Variants in UTRN observed in about 807,000 individuals in gnomAD.
UTRN encodes the protein dystrophin-related protein 1.
In UTRN, 283 loss-of-function variants were observed where a neutral mutation model predicts 463.9. The observed-to-expected ratio is 0.61, with a 90% CI of 0.55 to 0.67. UTRN has a LOEUF of 0.67. Among genes scored for constraint, UTRN ranks in the 30% least tolerant of loss-of-function variants. UTRN has a pLI of 0.00. For synonymous variants in UTRN, 1,442 were observed against 1,431.5 expected (o/e 1.01, Z -0.17); for missense variants, 3,922 against 4,084.3 (o/e 0.96, Z 1.08).
At chr6:144,645,096 A>G (rs1325014039) in intron 51 of UTRN, among the ~76,000 whole-genome samples, 3 of 152,108 alleles carry the variant, frequency 2.0e-5, no homozygotes, top group Non-Finnish European at 2.9e-5. Flanking sequence ...CCGAATTGCA[A>G]TTTCTTGCTA....
chr6:144,798,048 G>A (rs1052458228), intron 64 of UTRN, 58 bp downstream of exon 64: 5 of 1,607,036 alleles, frequency 3.1e-6, no homozygotes, highest in East Asian at 2.2e-5. Context: ...TAATCTCAGT[G>A]GTACGTCCAT....
chr6:144,522,261 A>G, intron 40 of UTRN, 90 bp downstream of exon 40: 3 of 1,048,646 alleles, frequency 2.9e-6, no homozygotes, highest in Non-Finnish European at 3.9e-6. Flanking sequence ...GATGGTCTAT[A>G]TCTTTTACAA....
intron 13 of UTRN, among the ~76,000 whole-genome samples, chr6:144,442,528 A>G (rs1402638367): frequency 1.3e-5 from 2 of 152,356 alleles, no homozygotes; most frequent in East Asian, 3.9e-4. Context: ...TAATGGACTT[A>G]CAGTTCCACA....
intron 51 of UTRN, among the ~76,000 whole-genome samples, chr6:144,652,687 T>C (rs578100833): frequency 1.2e-4 from 19 of 152,344 alleles, no homozygotes; most frequent in South Asian, 4.1e-4. Flanking sequence ...TCGAGTTATA[T>C]AATGCCTGTT....
chr6:144,649,479 C>T (rs1778590847), intron 51 of UTRN, among the ~76,000 whole-genome samples: 1 of 152,128 alleles, frequency 6.6e-6, no homozygotes, highest in South Asian at 2.1e-4. Context: ...TAATAGCCAT[C>T]CTATTATTGA....
At chr6:144,677,269 G>A (rs191797830) in intron 51 of UTRN, among the ~76,000 whole-genome samples, 2 of 151,536 alleles carry the variant, frequency 1.3e-5, no homozygotes, top group East Asian at 1.9e-4. Flanking sequence ...CTTTCCTTTC[G>A]CCCTACCCCC....
At chr6:144,418,774 G>A (rs960051304) in intron 3 of UTRN, among the ~76,000 whole-genome samples, 6 of 151,744 alleles carry the variant, frequency 4.0e-5, no homozygotes, top group South Asian at 2.1e-4. Flanking sequence ...GGCTGGTCTC[G>A]AATTCCTGCT....
intron 58 of UTRN, among the ~76,000 whole-genome samples, chr6:144,768,948 G>GTTTTTT (rs35525101): frequency 2.9e-4 from 36 of 126,014 alleles, no homozygotes; most frequent in African/African-American, 6.4e-4. Flanking sequence ...TTTGTTTTTT[G>GTTTTTT]TTTTGTTTTG....
intron 28 of UTRN, among the ~76,000 whole-genome samples, 154 bp downstream of exon 28, chr6:144,485,673 T>TTG (rs1457132177): frequency 4.6e-5 from 7 of 152,246 alleles, no homozygotes; most frequent in African/African-American, 1.4e-4. Flanking sequence ...CCTGAAGTGT[T>TTG]TATACAATCA....
chr6:144,581,543 T>C (rs1801966191), intron 51 of UTRN, among the ~76,000 whole-genome samples: 1 of 152,170 alleles, frequency 6.6e-6, no homozygotes, highest in Admixed American at 6.6e-5. Context: ...GATGCAGACT[T>C]TGATTATAGA....
chr6:144,471,295 T>C (rs570404289), intron 23 of UTRN, among the ~76,000 whole-genome samples: 1 of 152,270 alleles, frequency 6.6e-6, no homozygotes, highest in Admixed American at 6.5e-5. Context: ...TTAAGGCCAC[T>C]TACTCAAGTC....
chr6:144,369,872 G>T (rs1459948261), intron 2 of UTRN, among the ~76,000 whole-genome samples: 1 of 152,204 alleles, frequency 6.6e-6, no homozygotes, highest in Non-Finnish European at 1.5e-5. Context: ...TCTCTTGCCT[G>T]CCACCATGTA....
chr6:144,443,419 T>A (rs1218309551), intron 13 of UTRN, among the ~76,000 whole-genome samples: 1 of 152,212 alleles, frequency 6.6e-6, no homozygotes, highest in Non-Finnish European at 1.5e-5. Context: ...TGAGTTATCA[T>A]GCTGAGACTG....
intron 52 of UTRN, among the ~76,000 whole-genome samples, chr6:144,692,366 G>A (rs1019039607): frequency 6.6e-6 from 1 of 152,152 alleles, no homozygotes; most frequent in East Asian, 1.9e-4. Flanking sequence ...ATATGCATGT[G>A]TCTTTATAAT....
At chr6:144,615,866 A>G (rs919446387) in intron 51 of UTRN, among the ~76,000 whole-genome samples, 2 of 152,092 alleles carry the variant, frequency 1.3e-5, no homozygotes, top group Non-Finnish European at 2.9e-5. Context: ...CTCCCATTAC[A>G]CTTATAATAA....
Position 144,722,166 on chromosome 6 carries a change from G to A in UTRN, c.7810-8191G>A, listed in dbSNP as rs544368123. 5.3e-4 allele frequency among the ~76,000 whole-genome samples: 80 copies of A among 152,246 alleles called. 2 individuals are homozygous for A. The highest frequency in any genetic ancestry group is 1.8e-3 in the African/African-American group (76 of 41,548). Reference sequence around the variant, plus strand: ...CTTGATAGAAAACATTTTAACAGAAGCAATCACCCTCATTCTTCACTCACT... The same window carrying A: ...CTTGATAGAAAACATTTTAACAGAAACAATCACCCTCATTCTTCACTCACT... On this transcript the variant is annotated intron_variant, in intron 53 of 74. Coordinates refer to ENST00000367545, the MANE Select transcript of UTRN (RefSeq NM_007124.3).
At chr6:144,517,685 A>G (rs1339031864) in intron 39 of UTRN, among the ~76,000 whole-genome samples, 1 of 152,224 alleles carries the variant, frequency 6.6e-6, no homozygotes, top group Non-Finnish European at 1.5e-5. Context: ...TTAGATACAT[A>G]AATACTTCCA....
intron 50 of UTRN, among the ~76,000 whole-genome samples, chr6:144,564,917 G>A (rs1800266745): frequency 6.6e-6 from 1 of 152,148 alleles, no homozygotes. Context: ...GAATTGTTAA[G>A]GAAGGGAGTG....
chr6:144,821,170 T>A, intron 66 of UTRN, 152 bp downstream of exon 66: 2 of 1,044,764 alleles, frequency 1.9e-6, no homozygotes, highest in Non-Finnish European at 2.6e-6. Flanking sequence ...CATGAATTTT[T>A]ACAATTCACT....
Sources: gnomAD v4.1 joint callset for allele counts (sites outside exome capture counted in the v4.1 genomes callset) on GRCh38, gnomAD v4.1.1 for gene constraint, MANE v1.5 for transcripts, NCBI Gene and HGNC (gene_info 2026-07-23, HGNC 2026-07-21) for gene names.